SEC23A: variants seen among roughly 807,000 people sequenced by gnomAD.
The protein encoded by SEC23A is SEC23 homolog A, COPII component, also known as protein transport protein Sec23A.
A neutral mutation model predicts 103.7 loss-of-function variants in SEC23A; 56 were observed. The ratio of observed to expected loss-of-function variants is 0.54; its 90% confidence interval spans 0.44 to 0.67. The LOEUF is 0.67. Ranked by LOEUF, SEC23A falls within the 30% of genes least tolerant of loss-of-function variation. SEC23A has a pLI of 0.00. For synonymous variants in SEC23A, 281 were observed against 293.0 expected (o/e 0.96, Z 0.42); for missense variants, 784 against 936.4 (o/e 0.84, Z 2.12).
At chr14:39,086,739 G>A (rs958111384) in intron 6 of SEC23A, among the ~76,000 whole-genome samples, 190 bp downstream of exon 6, 2 of 152,106 alleles carry the variant, frequency 1.3e-5, no homozygotes, top group East Asian at 1.9e-4. Context: ...TCCTTACATT[G>A]TTAAGACAAA....
At chr14:39,074,563 C>T (rs1488779898) in intron 8 of SEC23A, 33 bp from the exon 9 acceptor site, 6 of 1,316,358 alleles carry the variant, frequency 4.6e-6, no homozygotes, top group Non-Finnish European at 6.5e-6. Flanking sequence ...AAATAATATA[C>T]AAAATTGTCC....
At chr14:39,091,024 G>T in intron 5 of SEC23A, 1 of 387,664 alleles carries the variant, frequency 2.6e-6, no homozygotes, top group African/African-American at 2.2e-5. Context: ...TGCCCCAGCT[G>T]AGGAAAAGAA....
chr14:39,100,746 A>G (rs941214826), intron 1 of SEC23A, among the ~76,000 whole-genome samples: 2 of 151,936 alleles, frequency 1.3e-5, no homozygotes, highest in Non-Finnish European at 2.9e-5. Context: ...ATATTATTTG[A>G]TAAGCACTCT....
chr14:39,067,099 C>G (rs1262727659), intron 10 of SEC23A, 74 bp downstream of exon 10: 1 of 1,541,696 alleles, frequency 6.5e-7, no homozygotes, highest in Non-Finnish European at 8.9e-7. Context: ...TGATTAATGG[C>G]ATTTTAGAAT....
At chr14:39,083,746 G>A (rs1887319891) in intron 7 of SEC23A, among the ~76,000 whole-genome samples, 1 of 151,264 alleles carries the variant, frequency 6.6e-6, no homozygotes, top group African/African-American at 2.4e-5. Context: ...TGTATTTTTA[G>A]TAGAGACAGG....
intron 7 of SEC23A, among the ~76,000 whole-genome samples, chr14:39,083,563 CTTTTTT>C (rs71130810): frequency 0.22 from 20,517 of 92,326 alleles, 2,447 homozygotes; most frequent in Middle Eastern, 0.38. Context: ...AATAAACTTT[CTTTTTT>C]TTTTTTTTTT....
In SEC23A at chr14:39,061,661, T is replaced by C. The variant is rs557378675; in HGVS notation, c.1505+104A>G. The C allele has an allele frequency of 3.8e-6, 3 of 785,362 alleles. No homozygotes were observed. The South Asian group carries it at 4.2e-5, about 11-fold the overall frequency. The allele number at this position is 785,362 out of a possible 1,614,324, so 48.6% of individuals were successfully genotyped here. A position where few individuals can be genotyped will look rare whatever the true frequency, so the allele number is the denominator to read the frequency against. The stretch of plus-strand genomic sequence containing the variant: ...AATAAAATACTATTAGTCACAAATA[T>C]TCACTTGCTAGTCATGGATGTCACC... On this transcript the variant is annotated intron_variant, in intron 13 of 19. Coordinates refer to ENST00000307712, the MANE Select transcript of SEC23A (RefSeq NM_006364.4).
At chr14:39,047,507 CAACA>C in intron 15 of SEC23A, 7 of 688,774 alleles carry the variant, frequency 1.0e-5, no homozygotes, top group South Asian at 1.9e-5. Flanking sequence ...AAAACAACAA[CAACA>C]AAAAAAAAAA....
chr14:39,061,805 T>C lies in SEC23A; in HGVS notation c.1465A>G (p.Ser489Gly). 6.2e-7 allele frequency: 1 copy of C among 1,613,906 alleles called. No homozygotes were observed. The highest frequency in any genetic ancestry group is 8.5e-7 in the Non-Finnish European group (1 of 1,179,786). The change falls in exon 13 of 20, where the codon AGT becomes GGT. Residue 489 changes from serine (S) to glycine (G), a missense_variant. Transcript: ENST00000307712. ...GTCACTCGGATGCGTCTCTGCCCAC[T>C]TGAATGCTGATACTGAGTCACAAAC... ...IQFVTQYQHSSGQRRIRVTTI... is the reference protein window; with the variant it reads ...IQFVTQYQHSGGQRRIRVTTI...
Position 39,061,865 on chromosome 14 carries a change from C to T in SEC23A, c.1405G>A (p.Ala469Thr). The T allele has an allele frequency of 6.2e-7, 1 of 1,610,518 alleles. No individual in the cohort carries two copies. The highest frequency in any genetic ancestry group is 8.5e-7 in the Non-Finnish European group (1 of 1,176,764). Residue 469 changes from alanine to threonine, a missense_variant, in exon 13 of 20, where the codon GCT (alanine) becomes ACT (threonine). Ala to Thr is a moderately conservative substitution (Grantham distance 58, BLOSUM62 0). Transcript: ENST00000307712. ...CCACGCCCTCCTTGAGGAATTGGAG[C>T]ATTATGCTGTATAAATATAATGGAG... ...IYFEVVNQHN[A>T]PIPQGGRGAI...
rs770814406 is a variant in SEC23A, at chr14:39,067,201, A to G, written c.1199T>C (p.Met400Thr). The G allele has an allele frequency of 2.5e-6, 4 of 1,613,832 alleles. No individual in the cohort carries two copies. Among genetic ancestry groups the G allele is most frequent in the Non-Finnish European group, 3.4e-6 (4 of 1,179,874 alleles). The change falls in exon 10 of 20, where the codon ATG becomes ACG. Residue 400 changes from methionine to threonine, a missense_variant. Transcript: ENST00000307712. ...TATTTCTAGCGTACCACCAAAGCCC[A>G]TTTTAAACTGTCCATGCATGTCTTT... is the stretch of plus-strand genomic sequence containing the variant. ...FTKDMHGQFKMGFGGTLEIKT... is the reference protein window; with the variant it reads ...FTKDMHGQFKTGFGGTLEIKT...
intron 16 of SEC23A, among the ~76,000 whole-genome samples, chr14:39,044,433 G>T (rs985219929): frequency 1.3e-5 from 2 of 151,634 alleles, no homozygotes; most frequent in Admixed American, 6.6e-5. Flanking sequence ...TCATTGTAAC[G>T]AAATAAAATA....
rs370275534 is a variant in SEC23A at position 39,100,072 on chromosome 14, G to C, written c.-22+2960C>G. Among the ~76,000 whole-genome samples, 3 of 152,092 alleles carry C rather than the reference G, an allele frequency of 2.0e-5. 1 individual carries two copies. Among genetic ancestry groups the C allele is most frequent in the African/African-American group, 4.8e-5 (2 of 41,400 alleles). On this transcript the variant is annotated intron_variant, in intron 1 of 19. Coordinates refer to ENST00000307712, the MANE Select transcript of SEC23A (RefSeq NM_006364.4). Reference sequence around the variant, plus strand: ...TCTCTACATTCTTACTTCTTATTAAGACATACTAAATATCACCTGAGTGAT... The same window carrying C: ...TCTCTACATTCTTACTTCTTATTAACACATACTAAATATCACCTGAGTGAT...
chr14:39,076,249 T>C (rs770914342), intron 7 of SEC23A, among the ~76,000 whole-genome samples, 156 bp from the exon 8 acceptor site: 1 of 152,100 alleles, frequency 6.6e-6, no homozygotes, highest in Non-Finnish European at 1.5e-5. Context: ...AACAAAGGTA[T>C]CTGAACAACT....
intron 14 of SEC23A, among the ~76,000 whole-genome samples, chr14:39,049,986 T>C (rs943565671): frequency 2.6e-4 from 39 of 152,058 alleles, no homozygotes; most frequent in African/African-American, 8.7e-4. Flanking sequence ...GCCAGGATGG[T>C]CTCGATCTCC....
chr14:39,054,940 G>GA (rs1886191174), intron 14 of SEC23A, among the ~76,000 whole-genome samples: 1 of 151,978 alleles, frequency 6.6e-6, no homozygotes, highest in Non-Finnish European at 1.5e-5. Context: ...ACATTTTAAG[G>GA]AAAAAAGGCA....
intron 13 of SEC23A, among the ~76,000 whole-genome samples, chr14:39,057,930 T>G (rs1358330913): frequency 6.6e-6 from 1 of 152,250 alleles, no homozygotes; most frequent in Non-Finnish European, 1.5e-5. Flanking sequence ...CTTTGTATTC[T>G]TTTATTTCCA....
chr14:39,076,926 CAAA>C (rs1206978231), intron 7 of SEC23A, among the ~76,000 whole-genome samples: 1 of 108,882 alleles, frequency 9.2e-6, no homozygotes, highest in Admixed American at 1.0e-4. Context: ...GACTCCGTCT[CAAA>C]AAAAAAAAAA....
intron 13 of SEC23A, among the ~76,000 whole-genome samples, chr14:39,056,053 C>T (rs1359693978): frequency 6.6e-6 from 1 of 152,222 alleles, no homozygotes; most frequent in Admixed American, 6.5e-5. Context: ...CACACATAAG[C>T]CTGAGTTATG....
Sources: allele counts gnomAD v4.1 joint callset (sites outside exome capture counted in the v4.1 genomes callset), GRCh38; gene constraint gnomAD v4.1.1; transcripts MANE v1.5; gene names NCBI Gene and HGNC (gene_info 2026-07-23, HGNC 2026-07-21).